The following NR3C2 variants were observed in gnomAD, a reference collection of about 807,000 sequenced individuals.
The protein encoded by NR3C2 is nuclear receptor subfamily 3 group C member 2, also known as mineralocorticoid receptor.
In NR3C2, 15 loss-of-function variants were observed where a neutral mutation model predicts 86.4. That is an observed-to-expected ratio of 0.17 (90% CI 0.12 to 0.27). NR3C2 has a LOEUF of 0.27. NR3C2 is among the 10% of genes least tolerant of loss of function. The pLI is 1.00. For missense variants in NR3C2, 960 were observed against 1,195.6 expected (o/e 0.80, Z 2.91); for synonymous variants, 458 against 450.5 (o/e 1.02, Z -0.21).
chr4:148,434,820 A>G (rs1749959292), intron 2 of NR3C2, among the ~76,000 whole-genome samples: 1 of 152,246 alleles, frequency 6.6e-6, no homozygotes, highest in African/African-American at 2.4e-5. Context: ...AACTGGCAGT[A>G]AAACATAAAT....
chr4:148,166,143 T>G (rs2149779751), intron 4 of NR3C2, among the ~76,000 whole-genome samples: 1 of 152,344 alleles, frequency 6.6e-6, no homozygotes. Context: ...TAGGCTGGGA[T>G]CTCTTCAGGA....
intron 4 of NR3C2, among the ~76,000 whole-genome samples, chr4:148,180,325 T>A (rs1166974963): frequency 6.6e-6 from 1 of 151,760 alleles, no homozygotes; most frequent in African/African-American, 2.4e-5. Context: ...CTGGGTCTTT[T>A]GTTTTCTGCT....
intron 3 of NR3C2, among the ~76,000 whole-genome samples, chr4:148,227,492 T>C (rs1738236617): frequency 6.6e-6 from 1 of 152,168 alleles, no homozygotes; most frequent in Admixed American, 6.6e-5. Context: ...TGGGGGGATA[T>C]TTCAAGACTA....
chr4:148,285,267 G>A lies in NR3C2; in HGVS notation c.1758-25150C>T, dbSNP rs150330524. Among the ~76,000 whole-genome samples, 130 of 152,290 alleles carry A rather than the reference G, an allele frequency of 8.5e-4. 2 individuals are homozygous for A. In the East Asian group the frequency reaches 0.019, roughly 22 times the overall value. On this transcript the variant is annotated intron_variant, in intron 2 of 8. Transcript: ENST00000358102. ...AAAAATATTTAGGGTCTTCTAATCA[G>A]TAACTTCTATTGTGAAAGACAGGAA...
At chr4:148,361,407 C>T (rs1341863129) in intron 2 of NR3C2, among the ~76,000 whole-genome samples, 1 of 152,190 alleles carries the variant, frequency 6.6e-6, no homozygotes, top group Admixed American at 6.5e-5. Flanking sequence ...TTATTGCCAA[C>T]ATCATCATTA....
chr4:148,437,765 T>C (rs573248199), intron 1 of NR3C2, among the ~76,000 whole-genome samples: 5 of 152,170 alleles, frequency 3.3e-5, no homozygotes, highest in Non-Finnish European at 7.3e-5. Flanking sequence ...CAACAATATT[T>C]ACCAAGTGCC....
In NR3C2 at chr4:148,222,611, T is replaced by C. The variant is rs1389854016; in HGVS notation, c.1898-27749A>G. ...TATTAACAACTGAATTGCTGGAAAA[T>C]CATTTAGGAAATTAACAAAACATAA... On this transcript the variant is annotated intron_variant, in intron 3 of 8. Transcript: ENST00000358102. Among the ~76,000 whole-genome samples the C allele has an allele frequency of 9.2e-5, 14 of 152,312 alleles. No individual in the cohort carries two copies. In the East Asian group the frequency reaches 2.5e-3, roughly 27 times the overall value.
At chr4:148,395,994 G>C (rs1428526038) in intron 2 of NR3C2, among the ~76,000 whole-genome samples, 1 of 152,158 alleles carries the variant, frequency 6.6e-6, no homozygotes, top group South Asian at 2.1e-4. Context: ...GCTTACAAAA[G>C]CAACTAAGCT....
At chr4:148,155,687 C>A (rs1734344855) in intron 4 of NR3C2, among the ~76,000 whole-genome samples, 1 of 150,370 alleles carries the variant, frequency 6.7e-6, no homozygotes, top group Admixed American at 6.7e-5. Flanking sequence ...CCATATTGCC[C>A]AAGGTAATTT....
At chr4:148,218,892 G>A (rs1038877533) in intron 3 of NR3C2, among the ~76,000 whole-genome samples, 1 of 152,150 alleles carries the variant, frequency 6.6e-6, no homozygotes, top group Non-Finnish European at 1.5e-5. Context: ...TTACCAATTG[G>A]CATCTGATTG....
At chr4:148,434,079 C>T (rs534006655) in intron 2 of NR3C2, among the ~76,000 whole-genome samples, 2 of 152,218 alleles carry the variant, frequency 1.3e-5, no homozygotes, top group South Asian at 2.1e-4. Context: ...ACCCTATATC[C>T]TGTTAATGGG....
At chr4:148,135,852 C>T (rs1371344216) in intron 6 of NR3C2, among the ~76,000 whole-genome samples, 3 of 151,056 alleles carry the variant, frequency 2.0e-5, no homozygotes, top group African/African-American at 7.3e-5. Context: ...GTCAGGAGAT[C>T]GAGACCATCC....
At chr4:148,365,004 C>A (rs538147977) in intron 2 of NR3C2, among the ~76,000 whole-genome samples, 4 of 152,260 alleles carry the variant, frequency 2.6e-5, no homozygotes, top group African/African-American at 9.6e-5. Flanking sequence ...CATTAGAAAG[C>A]AAAGGTGTCA....
intron 2 of NR3C2, among the ~76,000 whole-genome samples, chr4:148,340,414 A>C (rs529699773): frequency 6.6e-6 from 1 of 152,300 alleles, no homozygotes; most frequent in South Asian, 2.1e-4. Flanking sequence ...ACAGTGCTAG[A>C]AAAACTGAGT....
chr4:148,164,137 C>A (rs1734782339), intron 4 of NR3C2, among the ~76,000 whole-genome samples: 1 of 152,122 alleles, frequency 6.6e-6, no homozygotes, highest in Admixed American at 6.5e-5. Flanking sequence ...TTTCTAACTC[C>A]CTGGGCAGCA....
intron 6 of NR3C2, chr4:148,146,470 T>C (rs1189430349): frequency 6.6e-6 from 1 of 152,462 alleles, no homozygotes; most frequent in African/African-American, 2.4e-5. Flanking sequence ...ATTGGCAGGA[T>C]GGCCCGGGGA....
At chr4:148,254,666 A>T (rs4835133) in intron 3 of NR3C2, among the ~76,000 whole-genome samples, 1 of 152,136 alleles carries the variant, frequency 6.6e-6, no homozygotes, top group Non-Finnish European at 1.5e-5. Context: ...AGGCTCTTAC[A>T]GTAAATAATT....
chr4:148,392,086 T>C (rs6825048), intron 2 of NR3C2, among the ~76,000 whole-genome samples: 148,314 of 152,270 alleles, frequency 0.97, 72,301 homozygotes, highest in Non-Finnish European at 1. Context: ...AAATCTGGGG[T>C]AATATTTCAA....
At chr4:148,353,949 A>T (rs184398623) in intron 2 of NR3C2, among the ~76,000 whole-genome samples, 327 of 152,290 alleles carry the variant, frequency 2.1e-3, no homozygotes, top group African/African-American at 7.6e-3. Context: ...CTCTTTCACC[A>T]TCCCTTAAAA....
Sources: allele counts gnomAD v4.1 joint callset (sites outside exome capture counted in the v4.1 genomes callset), GRCh38; gene constraint gnomAD v4.1.1; transcripts MANE v1.5; gene names NCBI Gene and HGNC (gene_info 2026-07-23, HGNC 2026-07-21).